The following PLAG1 variants were observed in gnomAD, a reference collection of about 807,000 sequenced individuals.
PLAG1 encodes zinc finger protein PLAG1.
Under a neutral mutation model 35.5 loss-of-function variants are expected in PLAG1, and 7 were observed. That is an observed-to-expected ratio of 0.20 (90% CI 0.11 to 0.37). PLAG1 has a LOEUF of 0.37. Ranked by LOEUF, PLAG1 falls within the 10% of genes least tolerant of loss-of-function variation. The pLI is 1.00. For synonymous variants in PLAG1, 229 were observed against 225.4 expected (o/e 1.02, Z -0.14); for missense variants, 454 against 602.8 (o/e 0.75, Z 2.58).
intron 2 of PLAG1, among the ~76,000 whole-genome samples, chr8:56,177,752 T>C (rs1450109141): frequency 2.0e-5 from 3 of 152,188 alleles, no homozygotes; most frequent in African/African-American, 4.8e-5. Context: ...CAGGTAACTA[T>C]GTTTCAGGTC....
At chr8:56,201,968 T>G (rs1036751984) in intron 1 of PLAG1, among the ~76,000 whole-genome samples, 8 of 151,594 alleles carry the variant, frequency 5.3e-5, no homozygotes, top group African/African-American at 1.9e-4. Flanking sequence ...CTCTTTTTTT[T>G]TTTTTTTGTT....
chr8:56,193,458 C>G (rs971895190), intron 1 of PLAG1, among the ~76,000 whole-genome samples: 2 of 152,160 alleles, frequency 1.3e-5, no homozygotes, highest in Non-Finnish European at 2.9e-5. Flanking sequence ...ATAAAAAAAG[C>G]TGGTTGACAA....
intron 1 of PLAG1, among the ~76,000 whole-genome samples, chr8:56,206,673 T>C (rs1463785473): frequency 6.6e-6 from 1 of 152,024 alleles, no homozygotes; most frequent in Non-Finnish European, 1.5e-5. Flanking sequence ...CATGACTACC[T>C]AAACACTTAC....
intron 1 of PLAG1, among the ~76,000 whole-genome samples, chr8:56,194,578 T>G (rs148998546): frequency 1.9e-4 from 29 of 148,748 alleles, no homozygotes; most frequent in Middle Eastern, 3.4e-3. Context: ...CAGCACTGGG[T>G]GTGTGTGTGT....
rs1261746357 is a variant in PLAG1, at chr8:56,161,512, C to T, written c.*4731G>A. On this transcript the variant is annotated 3_prime_UTR_variant, in exon 5 of 5. Coordinates refer to ENST00000316981, the MANE Select transcript of PLAG1 (RefSeq NM_002655.3). ...AGTAACATACAGCATGTTCTTCACT[C>T]CACACCCTATTATAAAGCCCACTTT... is the stretch of plus-strand genomic sequence containing the variant. The T allele has an allele frequency of 2.2e-5, 5 of 227,380 alleles. No homozygotes were observed. Among genetic ancestry groups the T allele is most frequent in the Non-Finnish European group, 4.4e-5 (5 of 114,194 alleles). The allele number at this position is 227,380 out of a possible 1,614,324, so 14.1% of individuals were successfully genotyped here.
intron 1 of PLAG1, among the ~76,000 whole-genome samples, chr8:56,197,741 G>A (rs1395254597): frequency 2.6e-5 from 4 of 152,174 alleles, no homozygotes; most frequent in African/African-American, 7.2e-5. Context: ...ATGCATCTGT[G>A]TCTGTCTTTC....
intron 2 of PLAG1, among the ~76,000 whole-genome samples, chr8:56,171,635 G>A (rs1353476946): frequency 6.6e-6 from 1 of 152,160 alleles, no homozygotes; most frequent in Admixed American, 6.5e-5. Context: ...AAAGCACTCA[G>A]CCCATACTGT....
chr8:56,176,935 C>T (rs73682450), intron 2 of PLAG1, among the ~76,000 whole-genome samples: 3,880 of 152,204 alleles, frequency 0.025, 178 homozygotes, highest in African/African-American at 0.088. Context: ...CTATTAAAAT[C>T]GCAAATACAG....
chr8:56,168,476 G>T, intron 3 of PLAG1, 90 bp from the exon 4 acceptor site: 1 of 489,608 alleles, frequency 2.0e-6, no homozygotes, highest in Non-Finnish European at 3.3e-6. Context: ...AATTAAAAAA[G>T]AAACCAATAA....
At chr8:56,169,315 G>A (rs1328964851) in intron 3 of PLAG1, among the ~76,000 whole-genome samples, 1 of 152,122 alleles carries the variant, frequency 6.6e-6, no homozygotes, top group Non-Finnish European at 1.5e-5. Flanking sequence ...TGGTAAAAAG[G>A]TGTGTCAGAG....
chr8:56,173,958 A>G (rs1316910172), intron 2 of PLAG1, among the ~76,000 whole-genome samples: 2 of 152,184 alleles, frequency 1.3e-5, no homozygotes, highest in Non-Finnish European at 2.9e-5. Context: ...GATGCCAGCA[A>G]AAGAACAGGC....
chr8:56,179,750 A>T (rs543936816), intron 1 of PLAG1, among the ~76,000 whole-genome samples: 65 of 145,414 alleles, frequency 4.5e-4, no homozygotes, highest in African/African-American at 1.5e-3. Context: ...TAGATTATTC[A>T]CATTTTTGAT....
chr8:56,179,749 C>CA (rs1292540856), intron 1 of PLAG1, among the ~76,000 whole-genome samples: 1 of 145,592 alleles, frequency 6.9e-6, no homozygotes, highest in East Asian at 2.0e-4. Context: ...CTAGATTATT[C>CA]ACATTTTTGA....
chr8:56,202,705 A>G (rs2129234763), intron 1 of PLAG1, among the ~76,000 whole-genome samples: 1 of 152,368 alleles, frequency 6.6e-6, no homozygotes, highest in South Asian at 2.1e-4. Flanking sequence ...ATGTTTAAGT[A>G]GAGCAACTGT....
chr8:56,169,899 A>G (rs1411908665), intron 3 of PLAG1, among the ~76,000 whole-genome samples: 1 of 152,138 alleles, frequency 6.6e-6, no homozygotes, highest in Non-Finnish European at 1.5e-5. Flanking sequence ...TTTTAAAACC[A>G]ACTTCCTTAT....
rs1585771578 is a variant in PLAG1, at chr8:56,165,050, A to T, written c.*1193T>A. 7 of 206,768 alleles carry T rather than the reference A, an allele frequency of 3.4e-5. No individual in the cohort carries two copies. In the East Asian group the frequency reaches 5.2e-4, roughly 15 times the overall value. 12.8% of individuals were successfully genotyped at this position (206,768 alleles called of 1,614,324 possible). On this transcript the variant is annotated 3_prime_UTR_variant, in exon 5 of 5. Coordinates refer to ENST00000316981, the MANE Select transcript of PLAG1 (RefSeq NM_002655.3). ...CATTGAATCAGAAAGATAACATCGG[A>T]GTAGGACTGTTGTTTTTGTTTTCTG...
chr8:56,211,012 G>T, intron 1 of PLAG1, 109 bp downstream of exon 1: 1 of 153,364 alleles, frequency 6.5e-6, no homozygotes, highest in Non-Finnish European at 1.5e-5. Context: ...TCCTCCTCCT[G>T]CCGCCGCCGC....
intron 1 of PLAG1, among the ~76,000 whole-genome samples, chr8:56,186,045 G>A (rs1395400327): frequency 1.3e-5 from 2 of 151,582 alleles, no homozygotes; most frequent in Admixed American, 6.6e-5. Context: ...CAAACTGTAT[G>A]GTGGGTCTAG....
At chr8:56,200,714 C>G (rs540045286) in intron 1 of PLAG1, among the ~76,000 whole-genome samples, 1 of 152,260 alleles carries the variant, frequency 6.6e-6, no homozygotes, top group African/African-American at 2.4e-5. Context: ...TCTGCCAAAA[C>G]CATTCCTCTC....
Sources: gnomAD v4.1 joint callset for allele counts (sites outside exome capture counted in the v4.1 genomes callset) on GRCh38, gnomAD v4.1.1 for gene constraint, MANE v1.5 for transcripts, NCBI Gene and HGNC (gene_info 2026-07-23, HGNC 2026-07-21) for gene names.